The following STK24 variants were observed in gnomAD, a reference collection of about 807,000 sequenced individuals.
STK24 encodes the protein serine/threonine kinase 24.
In STK24, 21 loss-of-function variants were observed where a neutral mutation model predicts 55.6. The ratio of observed to expected loss-of-function variants is 0.38; its 90% CI spans 0.27 to 0.54. The LOEUF is 0.54. STK24 is among the 20% of genes least tolerant of loss of function. The pLI is 0.79. For missense variants in STK24, 383 were observed against 538.4 expected (o/e 0.71, Z 2.86); for synonymous variants, 200 against 215.2 (o/e 0.93, Z 0.62).
intron 1 of STK24, among the ~76,000 whole-genome samples, chr13:98,541,905 C>T (rs1896899041): frequency 6.6e-6 from 1 of 152,168 alleles, no homozygotes; most frequent in Admixed American, 6.5e-5. Context: ...AATACTTTTC[C>T]ACTCACTACT....
intron 1 of STK24, among the ~76,000 whole-genome samples, chr13:98,552,706 G>A (rs540653853): frequency 1.2e-3 from 183 of 152,214 alleles, no homozygotes; most frequent in African/African-American, 4.3e-3. Context: ...CAGCCACGGG[G>A]ACCCAGGATC....
chr13:98,453,297 C>A (rs1210654971), intron 10 of STK24, 88 bp from the exon 11 acceptor site: 13 of 1,374,044 alleles, frequency 9.5e-6, no homozygotes, highest in Non-Finnish European at 1.2e-5. Flanking sequence ...TCTTAGTTTT[C>A]ATAAGAAATT....
At position 98,446,155 on chromosome 13, in the gene STK24, C is replaced by G; in HGVS notation, c.*7018G>C. On this transcript the variant is annotated 3_prime_UTR_variant, in exon 11 of 11. Coordinates refer to ENST00000539966, the MANE Select transcript of STK24 (RefSeq NM_001032296.4). ...CAAAAACAGCAACGGGTGGCAGAAG[C>G]TGTGGGTGGTGTTCACAAACTTCTG... 6.2e-7 allele frequency: 1 copy of G among 1,614,050 alleles called. No individual in the cohort carries two copies. The highest frequency in any genetic ancestry group is 8.5e-7 in the Non-Finnish European group (1 of 1,179,916).
chr13:98,554,656 T>G (rs935796931), intron 1 of STK24, among the ~76,000 whole-genome samples: 9 of 152,156 alleles, frequency 5.9e-5, no homozygotes, highest in Admixed American at 4.6e-4. Context: ...ACTCCACCTC[T>G]ACAAAAATAA....
At chr13:98,571,978 G>A (rs964647624) in intron 1 of STK24, among the ~76,000 whole-genome samples, 1 of 152,202 alleles carries the variant, frequency 6.6e-6, no homozygotes, top group African/African-American at 2.4e-5. Context: ...TCAAAAATGT[G>A]CCATACTTCC....
chr13:98,520,670 G>A (rs1457167195), intron 1 of STK24, among the ~76,000 whole-genome samples: 2 of 152,198 alleles, frequency 1.3e-5, no homozygotes, highest in Non-Finnish European at 2.9e-5. Flanking sequence ...TGAGCCTCAG[G>A]GCCCATCAGG....
chr13:98,532,245 G>T (rs181887159), intron 1 of STK24, among the ~76,000 whole-genome samples: 1 of 152,230 alleles, frequency 6.6e-6, no homozygotes, highest in East Asian at 1.9e-4. Context: ...AATCACATCA[G>T]TGCAGGGGAG....
At chr13:98,543,353 G>C (rs770271613) in intron 1 of STK24, among the ~76,000 whole-genome samples, 4 of 152,022 alleles carry the variant, frequency 2.6e-5, no homozygotes, top group East Asian at 1.9e-4. Context: ...GAGAAACCTC[G>C]ACCCTCCAGA....
chr13:98,554,812 C>T (rs1566402738), intron 1 of STK24, among the ~76,000 whole-genome samples: 1 of 151,668 alleles, frequency 6.6e-6, no homozygotes, highest in Non-Finnish European at 1.5e-5. Context: ...GTCAGGAGTT[C>T]GAGACTAGCT....
intron 5 of STK24, among the ~76,000 whole-genome samples, 185 bp from the exon 6 acceptor site, chr13:98,466,746 T>G (rs9584855): frequency 0.26 from 40,114 of 152,226 alleles, 5,357 homozygotes; most frequent in Non-Finnish European, 0.29. Context: ...AACTGTAATA[T>G]GCCAAATGTT....
At chr13:98,485,392 G>A (rs1894766490) in intron 2 of STK24, among the ~76,000 whole-genome samples, 1 of 152,118 alleles carries the variant, frequency 6.6e-6, no homozygotes, top group Non-Finnish European at 1.5e-5. Context: ...CCTGGGTGGG[G>A]GCCACAAGAT....
intron 2 of STK24, among the ~76,000 whole-genome samples, chr13:98,512,268 T>C (rs898181867): frequency 1.3e-5 from 2 of 152,188 alleles, no homozygotes; most frequent in Admixed American, 6.5e-5. Flanking sequence ...GTTTTCTCTA[T>C]TGAAGACACA....
In STK24 at chr13:98,453,122, A is replaced by C; in HGVS notation, c.*51T>G. The C allele has an allele frequency of 6.2e-7, 1 of 1,601,212 alleles. No individual in the cohort carries two copies. The highest frequency in any genetic ancestry group is 8.5e-7 in the Non-Finnish European group (1 of 1,170,208). On this transcript the variant is annotated 3_prime_UTR_variant, in exon 11 of 11. Coordinates refer to ENST00000539966, the MANE Select transcript of STK24 (RefSeq NM_001032296.4). ...TCTCGTTGACTTTTAAAAAAGGAGGAGGATGAAGAAGGAAAAAAGGAAAAA... is the reference window on the plus strand; with the variant it reads ...TCTCGTTGACTTTTAAAAAAGGAGGCGGATGAAGAAGGAAAAAAGGAAAAA...
At chr13:98,455,733 GTATA>G (rs1451874704) in intron 10 of STK24, 1 of 152,216 alleles carries the variant, frequency 6.6e-6, no homozygotes, top group Non-Finnish European at 1.5e-5. Context: ...ATCAAGTCAC[GTATA>G]TAAACAAACA....
At chr13:98,479,175 G>T (rs1279020489) in intron 3 of STK24, among the ~76,000 whole-genome samples, 1 of 152,212 alleles carries the variant, frequency 6.6e-6, no homozygotes, top group African/African-American at 2.4e-5. Flanking sequence ...GCACCCTACA[G>T]GCAAGGCGGC....
rs1895050574 is a variant in STK24 at position 98,491,881 on chromosome 13, G to A, written c.274-9560C>T. Among the ~76,000 whole-genome samples, 3 of 151,838 alleles carry A rather than the reference G, an allele frequency of 2.0e-5. No homozygotes were observed. In the South Asian group the frequency reaches 6.2e-4, roughly 32 times the overall value. ...AGATCACATATCCATTTGCAATAGA[G>A]CAATAAAAGGACAGGAAAAAATTTT... On this transcript the variant is annotated intron_variant, in intron 2 of 10. Coordinates refer to ENST00000539966, the MANE Select transcript of STK24 (RefSeq NM_001032296.4).
At chr13:98,462,042 C>G in intron 7 of STK24, 145 bp from the exon 8 acceptor site, 1 of 1,005,166 alleles carries the variant, frequency 9.9e-7, no homozygotes, top group Admixed American at 2.6e-5. Context: ...TTGTCCAGTC[C>G]CTCTGGGATT....
intron 5 of STK24, among the ~76,000 whole-genome samples, chr13:98,472,041 A>G (rs1406008604): frequency 6.6e-6 from 1 of 152,176 alleles, no homozygotes; most frequent in African/African-American, 2.4e-5. Context: ...CCTGAAGAGC[A>G]CTGGCTGCCT....
chr13:98,576,795 G>A lies in STK24; in HGVS notation c.-9C>T. The A allele has an allele frequency of 7.1e-7, 1 of 1,400,320 alleles. No individual in the cohort carries two copies. Among genetic ancestry groups the A allele is most frequent in the South Asian group, 1.4e-5 (1 of 70,942 alleles). The allele number at this position is 1,400,320 out of a possible 1,614,324, so 86.7% of individuals were successfully genotyped here. A position where few individuals can be genotyped will look rare whatever the true frequency, so the allele number is the denominator to read the frequency against. On this transcript the variant is annotated 5_prime_UTR_variant, in exon 1 of 11. Transcript: ENST00000539966. ...ACCGGGGAGTGAGCCATGGCGCTCA[G>A]GACGGCCACTTCCTGGGACGGGACG...
Sources: allele counts gnomAD v4.1 joint callset (sites outside exome capture counted in the v4.1 genomes callset), GRCh38; gene constraint gnomAD v4.1.1; transcripts MANE v1.5; gene names NCBI Gene and HGNC (gene_info 2026-07-23, HGNC 2026-07-21).